Variants in KAT6A observed in about 807,000 individuals in gnomAD.
KAT6A encodes lysine acetyltransferase 6A, also known as histone acetyltransferase KAT6A.
Under a neutral mutation model 198.4 loss-of-function variants are expected in KAT6A, and 9 were observed. The observed-to-expected ratio is 0.05, with a 90% confidence interval of 0.03 to 0.08. The LOEUF (loss-of-function observed/expected upper bound fraction) is 0.08. Ranked by LOEUF, KAT6A falls within the 10% of genes least tolerant of loss-of-function variation. The probability of loss-of-function intolerance (pLI) is 1.00; values close to 1 mark genes in which losing one functional copy is unlikely to be tolerated. For synonymous variants in KAT6A, 890 were observed against 883.0 expected (o/e 1.01, Z -0.14); for missense variants, 2,077 against 2,509.9 (o/e 0.83, Z 3.69).
intron 2 of KAT6A, among the ~76,000 whole-genome samples, chr8:42,020,769 A>C (rs969549761): frequency 5.3e-5 from 8 of 152,198 alleles, no homozygotes; most frequent in Non-Finnish European, 8.8e-5. Flanking sequence ...AAAAATCTGG[A>C]ACTTCATTTT....
chr8:41,931,988 A>ACTCAAGAT lies in KAT6A; in HGVS notation c.*216_*217insATCTTGAG, dbSNP rs1392156336. The ACTCAAGAT allele has an allele frequency of 2.5e-6, 1 of 394,274 alleles. No individual in the cohort carries two copies. Among genetic ancestry groups the ACTCAAGAT allele is most frequent in the Non-Finnish European group, 4.3e-6 (1 of 230,938 alleles). 24.4% of individuals were successfully genotyped at this position (394,274 alleles called of 1,614,324 possible). A position where few individuals can be genotyped will look rare whatever the true frequency, so the allele number is the denominator to read the frequency against. ...ATTTTTAGATGAGTTCTACTGTAAA[A>ACTCAAGAT]TGTTCAAGATTGTGAAGAAAACCAA... On this transcript the variant is annotated 3_prime_UTR_variant, in exon 17 of 17. Coordinates refer to ENST00000265713, the MANE Select transcript of KAT6A (RefSeq NM_006766.5).
chr8:41,943,354 ACTGTCTGT>A (rs1564012491), intron 13 of KAT6A, among the ~76,000 whole-genome samples: 1 of 152,186 alleles, frequency 6.6e-6, no homozygotes, highest in Non-Finnish European at 1.5e-5. Flanking sequence ...TGAAGGGTGA[ACTGTCTGT>A]TCTTCCTTTC....
At chr8:42,024,738 C>T (rs187166433) in intron 2 of KAT6A, among the ~76,000 whole-genome samples, 10 of 152,210 alleles carry the variant, frequency 6.6e-5, no homozygotes, top group East Asian at 5.8e-4. Flanking sequence ...CAGTTCCATC[C>T]GTGTTGCTGC....
Position 41,934,178 on chromosome 8 carries a change from G to C in KAT6A, c.4042C>G (p.Gln1348Glu), listed in dbSNP as rs373510657. 1 of 1,613,890 alleles carries C rather than the reference G, an allele frequency of 6.2e-7. No homozygotes were observed. Among genetic ancestry groups the C allele is most frequent in the Non-Finnish European group, 8.5e-7 (1 of 1,180,022 alleles). Residue 1348 changes from glutamine to glutamate, a missense_variant, in exon 17 of 17, where the codon CAA (glutamine) becomes GAA (glutamate). Coordinates refer to ENST00000265713, the MANE Select transcript of KAT6A (RefSeq NM_006766.5). Reference protein sequence around the residue: ...REDVKEEPGVQESFLDANMQK... With the variant: ...REDVKEEPGVEESFLDANMQK... ...ATATTAGCATCTAAAAAAGACTCTT[G>C]AACACCAGGCTCCTCCTTGACATCT... is the stretch of plus-strand genomic sequence containing the variant.
chr8:41,977,607 G>A lies in KAT6A; in HGVS notation c.1044-280C>T, dbSNP rs139919200. The A allele has an allele frequency of 0.012, 3,274 of 282,864 alleles. 34 individuals are homozygous for A. Among genetic ancestry groups the A allele is most frequent in the Middle Eastern group, 0.042 (38 of 896 alleles). The allele number at this position is 282,864 out of a possible 1,614,324, so 17.5% of individuals were successfully genotyped here. A position where few individuals can be genotyped will look rare whatever the true frequency, so the allele number is the denominator to read the frequency against. On this transcript the variant is annotated intron_variant, in intron 6 of 16. Coordinates refer to ENST00000265713, the MANE Select transcript of KAT6A (RefSeq NM_006766.5). ...TTCTCTCTTACTAGCTGTACGACTTGGACAAATCACATTTTTTCTAAACAT... is the reference window on the plus strand; with the variant it reads ...TTCTCTCTTACTAGCTGTACGACTTAGACAAATCACATTTTTTCTAAACAT...
In KAT6A at chr8:41,937,361, C is replaced by T. The variant is rs1821901038; in HGVS notation, c.3247G>A (p.Glu1083Lys). ...TGCGAAGACAAACGACGGAAGTATT[C>T]TCTAGGGAAAAGTTCATTTTCATCC... ...EEDENELFPR[E>K]YFRRLSSQDV... The change falls in exon 16 of 17, where the codon GAA (glutamate) becomes AAA (lysine). Residue 1083 changes from glutamate to lysine, a missense_variant. Physicochemically the swap from Glu to Lys is moderately conservative, Grantham distance 56 (BLOSUM62 1). Coordinates refer to ENST00000265713, the MANE Select transcript of KAT6A (RefSeq NM_006766.5). 1.9e-6 allele frequency: 3 copies of T among 1,614,106 alleles called. No individual in the cohort carries two copies. The highest frequency in any genetic ancestry group is 2.5e-6 in the Non-Finnish European group (3 of 1,179,968).
intron 3 of KAT6A, among the ~76,000 whole-genome samples, chr8:41,983,293 T>C (rs756135427): frequency 6.6e-6 from 1 of 152,234 alleles, no homozygotes; most frequent in Non-Finnish European, 1.5e-5. Flanking sequence ...TTTTATGAGA[T>C]AGCAAGTTTA....
At chr8:41,981,175 G>A (rs555687429) in intron 4 of KAT6A, among the ~76,000 whole-genome samples, 7 of 152,160 alleles carry the variant, frequency 4.6e-5, no homozygotes, top group African/African-American at 1.4e-4. Flanking sequence ...AAAATTAGAC[G>A]GGCATGGTGG....
chr8:42,020,115 T>TA (rs1347506614), intron 2 of KAT6A, among the ~76,000 whole-genome samples: 1 of 152,194 alleles, frequency 6.6e-6, no homozygotes, highest in Non-Finnish European at 1.5e-5. Flanking sequence ...TGAAGAGTGA[T>TA]ATGCTGCCAA....
chr8:42,046,346 G>C (rs1178597779), intron 2 of KAT6A, among the ~76,000 whole-genome samples: 1 of 152,084 alleles, frequency 6.6e-6, no homozygotes, highest in Non-Finnish European at 1.5e-5. Flanking sequence ...GACCAGCCTG[G>C]CCAACAAGGT....
intron 8 of KAT6A, among the ~76,000 whole-genome samples, chr8:41,972,837 TACTC>T (rs1823863488): frequency 6.6e-6 from 1 of 152,216 alleles, no homozygotes; most frequent in African/African-American, 2.4e-5. Flanking sequence ...GTCTGCAACT[TACTC>T]GGGAGGAGAA....
rs914972486 is a variant in KAT6A at position 41,932,201 on chromosome 8, T to C, written c.*4A>G. 3.9e-6 allele frequency: 6 copies of C among 1,549,222 alleles called. No individual in the cohort carries two copies. Among genetic ancestry groups the C allele is most frequent in the Non-Finnish European group, 4.4e-6 (5 of 1,148,878 alleles). On this transcript the variant is annotated 3_prime_UTR_variant, in exon 17 of 17. Transcript: ENST00000265713. Reference sequence around the variant, plus strand: ...TTAAGTTTTTGATTGCAAGTTCATCTTGCTCATCTTCTCATGTAAGGTCCG... The same window carrying C: ...TTAAGTTTTTGATTGCAAGTTCATCCTGCTCATCTTCTCATGTAAGGTCCG...
Position 41,981,716 on chromosome 8 carries a change from C to T in KAT6A, c.825+123G>A, listed in dbSNP as rs991565356. 24 of 647,458 alleles carry T rather than the reference C, an allele frequency of 3.7e-5. 1 individual carries two copies. The highest frequency in any genetic ancestry group is 1.3e-4 in the African/African-American group (7 of 55,692). 40.1% of individuals were successfully genotyped at this position (647,458 alleles called of 1,614,324 possible). ...ATGACATGTAGTTTAAAGAGACTACCGGCTATTCTAAATGCTACTGGACCA... is the reference window on the plus strand; with the variant it reads ...ATGACATGTAGTTTAAAGAGACTACTGGCTATTCTAAATGCTACTGGACCA... On this transcript the variant is annotated intron_variant, in intron 4 of 16. Transcript: ENST00000265713.
chr8:42,036,599 C>A (rs1827389403), intron 2 of KAT6A, among the ~76,000 whole-genome samples: 1 of 151,534 alleles, frequency 6.6e-6, no homozygotes, highest in South Asian at 2.1e-4. Context: ...GGTGACAGAG[C>A]AAGACTCCAA....
At chr8:41,947,032 G>T (rs1026335681) in intron 11 of KAT6A, among the ~76,000 whole-genome samples, 1 of 152,184 alleles carries the variant, frequency 6.6e-6, no homozygotes, top group East Asian at 1.9e-4. Context: ...TGCCACTCTA[G>T]AAGTGAGAAG....
chr8:42,014,920 G>A (rs1008971361), intron 2 of KAT6A, among the ~76,000 whole-genome samples: 1 of 152,168 alleles, frequency 6.6e-6, no homozygotes, highest in African/African-American at 2.4e-5. Context: ...GTAGTTACAG[G>A]TTCAGGATTA....
chr8:42,005,234 T>C (rs564840045), intron 2 of KAT6A, among the ~76,000 whole-genome samples: 2 of 152,370 alleles, frequency 1.3e-5, no homozygotes, highest in East Asian at 1.9e-4. Flanking sequence ...GATATTCTTT[T>C]CTACACTACC....
In KAT6A at chr8:41,934,358, C is replaced by T. The variant is rs374172460; in HGVS notation, c.3862G>A (p.Glu1288Lys). Residue 1288 changes from glutamate to lysine, a missense_variant, in exon 17 of 17, where the codon GAG (glutamate) becomes AAG (lysine). Glu to Lys is a moderately conservative substitution (Grantham distance 56). Coordinates refer to ENST00000265713, the MANE Select transcript of KAT6A (RefSeq NM_006766.5). ...RVSEEQRQSEEEQQELEEPEP... is the reference protein window; with the variant it reads ...RVSEEQRQSEKEQQELEEPEP... Reference sequence around the variant, plus strand: ...GGCTCCTCTAATTCCTGCTGCTCCTCCTCTGACTGCCTCTGCTCCTCTGAG... The same window carrying T: ...GGCTCCTCTAATTCCTGCTGCTCCTTCTCTGACTGCCTCTGCTCCTCTGAG... 1.1e-4 allele frequency: 185 copies of T among 1,613,816 alleles called. No homozygotes were observed. The highest frequency in any genetic ancestry group is 2.7e-4 in the Admixed American group (16 of 59,970).
In KAT6A at chr8:42,047,327, T is replaced by G. The variant is rs117524968; in HGVS notation, c.600+1051A>C. On this transcript the variant is annotated intron_variant, in intron 2 of 16. Coordinates refer to ENST00000265713, the MANE Select transcript of KAT6A (RefSeq NM_006766.5). ...GCACCAAAATTTACTGTTTAAGAAG[T>G]CATAATTTCAACTATATACAATAAC... 8.4e-3 allele frequency among the ~76,000 whole-genome samples: 1,277 copies of G among 152,284 alleles called. 4 individuals carry two copies. Among genetic ancestry groups the G allele is most frequent in the Middle Eastern group, 0.027 (8 of 294 alleles).
Sources: gnomAD v4.1 joint callset for allele counts (sites outside exome capture counted in the v4.1 genomes callset) on GRCh38, gnomAD v4.1.1 for gene constraint, MANE v1.5 for transcripts, NCBI Gene and HGNC (gene_info 2026-07-23, HGNC 2026-07-21) for gene names.